The following EIPR1 variants were observed in gnomAD, a reference collection of about 807,000 sequenced individuals.
The protein encoded by EIPR1 is EARP complex and GARP complex interacting protein 1, also known as EARP and GARP complex-interacting protein 1.
A neutral mutation model predicts 48.1 loss-of-function variants in EIPR1; 25 were observed. The ratio of observed to expected loss-of-function variants is 0.52; its 90% CI spans 0.38 to 0.73. The LOEUF (loss-of-function observed/expected upper bound fraction) is 0.73. Among genes scored for constraint, EIPR1 ranks in the 30% least tolerant of loss-of-function variants. The pLI is 0.00. For missense variants in EIPR1, 415 were observed against 506.2 expected, an observed-to-expected ratio of 0.82 and a Z score of 1.73; for synonymous variants, 204 against 201.9, an observed-to-expected ratio of 1.01 and a Z score of -0.09.
At chr2:3,191,623 T>C (rs911236374) in intron 8 of EIPR1, among the ~76,000 whole-genome samples, 4 of 152,206 alleles carry the variant, frequency 2.6e-5, no homozygotes, top group Non-Finnish European at 5.9e-5. Flanking sequence ...ACCTCCTTCC[T>C]CTGGAACCTG....
At position 3,292,990 on chromosome 2, in the gene EIPR1, C is replaced by T. The variant is rs60115482; in HGVS notation, c.260-35535G>A. 6.3e-3 allele frequency among the ~76,000 whole-genome samples: 957 copies of T among 152,320 alleles called. 6 individuals are homozygous for T. Among genetic ancestry groups the T allele is most frequent in the African/African-American group, 0.022 (897 of 41,560 alleles). ...TTAAACGAAATAAGCCCTGCTACCC[C>T]GGTCCCATGAAGCCTTTCTGGGCAG... is the stretch of plus-strand genomic sequence containing the variant. On this transcript the variant is annotated intron_variant, in intron 3 of 8. Coordinates refer to ENST00000382125, the MANE Select transcript of EIPR1 (RefSeq NM_003310.5).
intron 3 of EIPR1, among the ~76,000 whole-genome samples, chr2:3,270,310 C>A (rs1036192264): frequency 6.6e-6 from 1 of 152,188 alleles, no homozygotes; most frequent in Non-Finnish European, 1.5e-5. Flanking sequence ...TGCCAACACT[C>A]CCGCAGAGGG....
At chr2:3,372,236 T>C (rs1480619922) in intron 1 of EIPR1, among the ~76,000 whole-genome samples, 2 of 150,748 alleles carry the variant, frequency 1.3e-5, no homozygotes, top group East Asian at 3.9e-4. Flanking sequence ...CAAAGCAGTG[T>C]GTAGAGGGAA....
intron 4 of EIPR1, among the ~76,000 whole-genome samples, chr2:3,219,453 A>C (rs1349622547): frequency 1.3e-5 from 2 of 150,200 alleles, no homozygotes; most frequent in South Asian, 2.1e-4. Flanking sequence ...TATGCTCTAG[A>C]GCTTTCACAG....
chr2:3,249,675 T>C (rs1359933863), intron 4 of EIPR1, among the ~76,000 whole-genome samples: 1 of 152,180 alleles, frequency 6.6e-6, no homozygotes, highest in Non-Finnish European at 1.5e-5. Context: ...GAAAAAGGCC[T>C]TGAAGACATC....
chr2:3,259,051 G>A lies in EIPR1; in HGVS notation c.260-1596C>T, dbSNP rs184758123. Among the ~76,000 whole-genome samples, 3 of 152,102 alleles carry A rather than the reference G, an allele frequency of 2.0e-5. No homozygotes were observed. The East Asian group carries it at 5.8e-4, about 29-fold the overall frequency. On this transcript the variant is annotated intron_variant, in intron 3 of 8. Coordinates refer to ENST00000382125, the MANE Select transcript of EIPR1 (RefSeq NM_003310.5). ...AAGGGAAAGTTGGCAATTTGGAGTA[G>A]GAAAGAAAAAAATGAATGCCTAACC...
At chr2:3,365,964 G>A (rs577170811) in intron 1 of EIPR1, among the ~76,000 whole-genome samples, 1 of 42,982 alleles carries the variant, frequency 2.3e-5, no homozygotes, top group South Asian at 5.9e-4. Flanking sequence ...GGAGGGAGGT[G>A]GGGGGGTCAG....
chr2:3,340,360 G>A (rs1261737263), intron 2 of EIPR1, among the ~76,000 whole-genome samples: 1 of 152,196 alleles, frequency 6.6e-6, no homozygotes, highest in Admixed American at 6.5e-5. Context: ...CCGAGGCAGA[G>A]CAGGAGCCCA....
At chr2:3,202,742 C>T (rs1353917338) in intron 5 of EIPR1, among the ~76,000 whole-genome samples, 1 of 152,230 alleles carries the variant, frequency 6.6e-6, no homozygotes, top group African/African-American at 2.4e-5. Flanking sequence ...CGTAAGTGCT[C>T]CTTGCAGAAG....
chr2:3,356,051 G>A (rs1411014041), intron 1 of EIPR1, among the ~76,000 whole-genome samples: 1 of 152,214 alleles, frequency 6.6e-6, no homozygotes, highest in Non-Finnish European at 1.5e-5. Flanking sequence ...AGGAAGGGCT[G>A]GGCTGAGGGA....
At chr2:3,244,516 T>G (rs1204864940) in intron 4 of EIPR1, among the ~76,000 whole-genome samples, 2 of 152,188 alleles carry the variant, frequency 1.3e-5, no homozygotes, top group Admixed American at 6.5e-5. Context: ...GTGAAAGTAT[T>G]AGGAGTCAGA....
At chr2:3,247,545 A>C (rs549666426) in intron 4 of EIPR1, among the ~76,000 whole-genome samples, 8 of 152,306 alleles carry the variant, frequency 5.3e-5, no homozygotes, top group African/African-American at 1.9e-4. Context: ...TTACCTGCAG[A>C]GTTCCAGGAA....
Position 3,196,986 on chromosome 2 carries a change from C to A in EIPR1, c.548G>T (p.Gly183Val), listed in dbSNP as rs1664834022. Residue 183 changes from glycine to valine, a missense_variant, in exon 6 of 9, where the codon GGA becomes GTA. By Grantham distance (109) the Gly-to-Val change is moderately radical. Transcript: ENST00000382125. ...CCGTCCTGAGGTGAACTTCAGTTGTCCCTTCCCTTCCAGGGACGCTGAGCT... is the reference window on the plus strand; with the variant it reads ...CCGTCCTGAGGTGAACTTCAGTTGTACCTTCCCTTCCAGGGACGCTGAGCT... ...LASSASLEGKGQLKFTSGRWS... is the reference protein window; with the variant it reads ...LASSASLEGKVQLKFTSGRWS... 1 of 1,613,796 alleles carries A rather than the reference C, an allele frequency of 6.2e-7. No homozygotes were observed. Among genetic ancestry groups the A allele is most frequent in the Non-Finnish European group, 8.5e-7 (1 of 1,180,026 alleles).
chr2:3,366,567 A>C (rs918816082), intron 1 of EIPR1, among the ~76,000 whole-genome samples: 4 of 152,200 alleles, frequency 2.6e-5, no homozygotes, highest in African/African-American at 7.2e-5. Flanking sequence ...AAGCTGCAAA[A>C]CATCCACAAA....
At chr2:3,229,439 T>C (rs1666168653) in intron 4 of EIPR1, among the ~76,000 whole-genome samples, 1 of 152,252 alleles carries the variant, frequency 6.6e-6, no homozygotes. Flanking sequence ...TACAGACTCA[T>C]TCTGGCATGA....
intron 1 of EIPR1, among the ~76,000 whole-genome samples, chr2:3,361,140 T>C (rs1056062692): frequency 1.3e-5 from 2 of 152,174 alleles, no homozygotes; most frequent in African/African-American, 2.4e-5. Context: ...GATGCTCTAT[T>C]TCTGAGAGCC....
intron 3 of EIPR1, among the ~76,000 whole-genome samples, chr2:3,330,411 AG>A (rs1255394894): frequency 3.9e-5 from 6 of 152,230 alleles, no homozygotes; most frequent in Non-Finnish European, 7.3e-5. Flanking sequence ...GGGGACACAG[AG>A]CCAGACCACT....
chr2:3,224,444 G>A (rs1266344275), intron 4 of EIPR1, among the ~76,000 whole-genome samples: 1 of 152,098 alleles, frequency 6.6e-6, no homozygotes, highest in Admixed American at 6.5e-5. Flanking sequence ...ATACACACCT[G>A]CCCATCCAAC....
At chr2:3,305,005 C>T (rs1668885893) in intron 3 of EIPR1, among the ~76,000 whole-genome samples, 2 of 118,124 alleles carry the variant, frequency 1.7e-5, no homozygotes, top group East Asian at 2.5e-4. Context: ...CACTCCCGTC[C>T]AGTTCAACCC....
Sources: gnomAD v4.1 joint callset for allele counts (sites outside exome capture counted in the v4.1 genomes callset) on GRCh38, gnomAD v4.1.1 for gene constraint, MANE v1.5 for transcripts, NCBI Gene and HGNC (gene_info 2026-07-23, HGNC 2026-07-21) for gene names.